Variants in EYA4 observed in about 807,000 individuals in gnomAD.
The protein encoded by EYA4 is protein phosphatase EYA4.
Under a neutral mutation model 87.9 loss-of-function variants are expected in EYA4, and 31 were observed. The ratio of observed to expected loss-of-function variants is 0.35; its 90% CI spans 0.27 to 0.48. The LOEUF (loss-of-function observed/expected upper bound fraction) is 0.48, where lower values mean the gene tolerates loss of function less well. Ranked by LOEUF, EYA4 falls within the 20% of genes least tolerant of loss-of-function variation. The pLI is 0.99. For missense variants in EYA4, 678 were observed against 761.4 expected (o/e 0.89, Z 1.29); for synonymous variants, 263 against 270.6 (o/e 0.97, Z 0.28).
At chr6:133,306,342 A>G (rs1779808132) in intron 2 of EYA4, among the ~76,000 whole-genome samples, 2 of 152,308 alleles carry the variant, frequency 1.3e-5, no homozygotes, top group South Asian at 2.1e-4. Flanking sequence ...CCTTATAGAC[A>G]GAGCTCTTCA....
chr6:133,269,130 G>A (rs1250574464), intron 1 of EYA4, among the ~76,000 whole-genome samples: 1 of 152,172 alleles, frequency 6.6e-6, no homozygotes, highest in South Asian at 2.1e-4. Context: ...GTGGTGGCAC[G>A]CTCCTGTAGT....
chr6:133,459,691 G>C (rs1562446340), intron 6 of EYA4, among the ~76,000 whole-genome samples: 3 of 152,094 alleles, frequency 2.0e-5, no homozygotes, highest in Admixed American at 1.3e-4. Context: ...GTAGAACAAA[G>C]AGTCTGTTTT....
intron 13 of EYA4, among the ~76,000 whole-genome samples, chr6:133,501,113 C>T (rs1017352416): frequency 5.3e-5 from 8 of 152,034 alleles, no homozygotes; most frequent in African/African-American, 1.4e-4. Context: ...TACCTAGCTC[C>T]CTCACCTTTG....
chr6:133,500,369 C>T (rs528370595), intron 13 of EYA4, among the ~76,000 whole-genome samples: 1 of 152,036 alleles, frequency 6.6e-6, no homozygotes, highest in Non-Finnish European at 1.5e-5. Context: ...CACTATAACC[C>T]TACTTTTCCA....
intron 2 of EYA4, among the ~76,000 whole-genome samples, chr6:133,284,773 A>G (rs570564498): frequency 2.0e-4 from 31 of 152,302 alleles, no homozygotes; most frequent in African/African-American, 7.0e-4. Flanking sequence ...TATTTGAAGC[A>G]TGGTTTTCAT....
At chr6:133,308,921 CTT>C (rs1780011555) in intron 2 of EYA4, among the ~76,000 whole-genome samples, 1 of 150,792 alleles carries the variant, frequency 6.6e-6, no homozygotes, top group South Asian at 2.1e-4. Flanking sequence ...TAATATATAA[CTT>C]AAAAATTTTT....
At chr6:133,492,608 C>A (rs1216783216) in intron 13 of EYA4, among the ~76,000 whole-genome samples, 1 of 152,106 alleles carries the variant, frequency 6.6e-6, no homozygotes, top group Non-Finnish European at 1.5e-5. Context: ...CTAGTTAGAG[C>A]AGTTAGACAG....
chr6:133,480,999 G>GGAGAGGTGGAAGGGAAGATGA lies in EYA4; in HGVS notation c.971-436_971-416dup, dbSNP rs1434343683. 1.1e-4 allele frequency among the ~76,000 whole-genome samples: 16 copies of GGAGAGGTGGAAGGGAAGATGA among 151,246 alleles called. 1 individual carries two copies. Among genetic ancestry groups the GGAGAGGTGGAAGGGAAGATGA allele is most frequent in the Non-Finnish European group, 5.9e-5 (4 of 67,888 alleles). On this transcript the variant is annotated intron_variant, in intron 11 of 19. Coordinates refer to ENST00000355286, the MANE Select transcript of EYA4 (RefSeq NM_004100.5). ...GATGGGAGAGGTGGAAGGGAAGATG[G>GGAGAGGTGGAAGGGAAGATGA]GAGAGGTGGAAGGGAAGATGAGAGA...
intron 13 of EYA4, among the ~76,000 whole-genome samples, chr6:133,489,584 G>A (rs983212932): frequency 2.0e-5 from 3 of 152,078 alleles, no homozygotes; most frequent in African/African-American, 7.2e-5. Flanking sequence ...TATAGGCTAG[G>A]AGGGAGTGGC....
At chr6:133,269,784 A>T (rs1326842768) in intron 1 of EYA4, among the ~76,000 whole-genome samples, 1 of 147,120 alleles carries the variant, frequency 6.8e-6, no homozygotes, top group African/African-American at 2.7e-5. Context: ...GAGGGACAGA[A>T]CTAATAGGAT....
chr6:133,299,931 C>CTATATATATATATATA (rs1483133674), intron 2 of EYA4, among the ~76,000 whole-genome samples: 7 of 80,470 alleles, frequency 8.7e-5, no homozygotes, highest in African/African-American at 3.4e-4. Context: ...AGATCTCTAT[C>CTATATATATATATATA]TATCTATCTA....
chr6:133,245,084 T>C (rs780904156), intron 1 of EYA4: 1 of 152,102 alleles, frequency 6.6e-6, no homozygotes, highest in Non-Finnish European at 1.5e-5. Flanking sequence ...CTCATTATCA[T>C]TTTTTTCTGT....
At chr6:133,327,872 A>G (rs1278628010) in intron 2 of EYA4, among the ~76,000 whole-genome samples, 1 of 152,232 alleles carries the variant, frequency 6.6e-6, no homozygotes, top group African/African-American at 2.4e-5. Flanking sequence ...GATTGTCCAG[A>G]TGATAGCCTG....
intron 2 of EYA4, among the ~76,000 whole-genome samples, chr6:133,361,858 C>T (rs1166425718): frequency 1.3e-5 from 2 of 152,294 alleles, no homozygotes; most frequent in East Asian, 3.9e-4. Context: ...TTGAAAGGTG[C>T]CCTGCATGTT....
chr6:133,323,758 C>T (rs1168570928), intron 2 of EYA4, among the ~76,000 whole-genome samples: 1 of 152,088 alleles, frequency 6.6e-6, no homozygotes, highest in Non-Finnish European at 1.5e-5. Context: ...GTTTGATATA[C>T]TACTGTGGTC....
chr6:133,300,501 G>A (rs569240507), intron 2 of EYA4, among the ~76,000 whole-genome samples: 58 of 152,096 alleles, frequency 3.8e-4, no homozygotes, highest in African/African-American at 8.7e-4. Context: ...TGTACAAAAT[G>A]TATTGTTGTT....
intron 12 of EYA4, 21 bp from the exon 13 acceptor site, chr6:133,483,011 A>T (rs1562473156): frequency 1.3e-6 from 2 of 1,598,334 alleles, no homozygotes; most frequent in Non-Finnish European, 1.7e-6. Flanking sequence ...TAATTTTCTG[A>T]TATTTATTTT....
intron 2 of EYA4, among the ~76,000 whole-genome samples, chr6:133,286,197 A>G (rs185785361): frequency 4.0e-4 from 61 of 152,268 alleles, no homozygotes; most frequent in African/African-American, 1.5e-3. Flanking sequence ...AGTTATGAAG[A>G]ACGCTGGATT....
intron 2 of EYA4, among the ~76,000 whole-genome samples, chr6:133,352,118 G>C (rs1783687796): frequency 6.6e-6 from 1 of 152,036 alleles, no homozygotes; most frequent in African/African-American, 2.4e-5. Flanking sequence ...TTTGAATGCT[G>C]CCAAATCTAT....
Sources: gnomAD v4.1 joint callset for allele counts (sites outside exome capture counted in the v4.1 genomes callset) on GRCh38, gnomAD v4.1.1 for gene constraint, MANE v1.5 for transcripts, NCBI Gene and HGNC (gene_info 2026-07-23, HGNC 2026-07-21) for gene names.